LRSAM1: variants seen among roughly 807,000 people sequenced by gnomAD.
LRSAM1 encodes E3 ubiquitin-protein ligase LRSAM1.
A neutral mutation model predicts 118.1 loss-of-function variants in LRSAM1; 96 were observed. That is an observed-to-expected ratio of 0.81 (90% CI 0.69 to 0.96). The LOEUF (loss-of-function observed/expected upper bound fraction) is 0.96. Ranked by LOEUF, LRSAM1 falls within the 40% of genes least tolerant of loss-of-function variation. The probability of loss-of-function intolerance (pLI) is 0.00; values close to 1 mark genes in which losing one functional copy is unlikely to be tolerated. For synonymous variants in LRSAM1, 322 were observed against 364.2 expected (o/e 0.88, Z 1.32); for missense variants, 804 against 915.5 (o/e 0.88, Z 1.57).
At chr9:127,483,448 G>GAA (rs1197470164) in intron 16 of LRSAM1, among the ~76,000 whole-genome samples, 1 of 134,040 alleles carries the variant, frequency 7.5e-6, no homozygotes. Flanking sequence ...CCATTTCTCA[G>GAA]AAAAAAAAAA....
chr9:127,469,436 C>T (rs1835081180), intron 10 of LRSAM1, among the ~76,000 whole-genome samples: 1 of 151,264 alleles, frequency 6.6e-6, no homozygotes, highest in Non-Finnish European at 1.5e-5. Context: ...TGCCACTGCA[C>T]TCCAGTCTGG....
In LRSAM1 at chr9:127,487,714, CG is replaced by C; in HGVS notation, c.1299del (p.Trp434GlyfsTer29). On this transcript the variant is annotated frameshift_variant, in exon 18 of 26. Coordinates refer to ENST00000300417, the MANE Select transcript of LRSAM1 (RefSeq NM_001005373.4). LOFTEE classifies it high-confidence loss of function. ...EMDERFQQIL[S>X]WQQMDQNKAI... ...GATGAACGATTCCAGCAGATTCTGT[CG>C]TGGCAGCAAATGGATCAGAACAAAG... The C allele has an allele frequency of 1.2e-6, 2 of 1,613,748 alleles. No homozygotes were observed. The highest frequency in any genetic ancestry group is 1.7e-6 in the Non-Finnish European group (2 of 1,179,894).
intron 11 of LRSAM1, among the ~76,000 whole-genome samples, chr9:127,476,778 A>G (rs1468507008): frequency 6.6e-6 from 1 of 152,154 alleles, no homozygotes; most frequent in Non-Finnish European, 1.5e-5. Flanking sequence ...AGGTTCAAGC[A>G]ATTCTCCTGC....
intron 10 of LRSAM1, among the ~76,000 whole-genome samples, chr9:127,471,715 A>G (rs1296206897): frequency 6.6e-6 from 1 of 151,318 alleles, no homozygotes; most frequent in Non-Finnish European, 1.5e-5. Context: ...TGAACCCATG[A>G]GGCAGAGGCT....
intron 9 of LRSAM1, among the ~76,000 whole-genome samples, chr9:127,462,949 A>G (rs59194012): frequency 0.015 from 2,349 of 152,250 alleles, 50 homozygotes; most frequent in African/African-American, 0.053. Context: ...TAATCCCAGC[A>G]CTTTGGGAGG....
chr9:127,455,144 C>CT, intron 4 of LRSAM1, 90 bp downstream of exon 4: 1 of 1,304,244 alleles, frequency 7.7e-7, no homozygotes, highest in Non-Finnish European at 1.1e-6. Context: ...TGGACTGGGG[C>CT]TTTAGAAAGG....
chr9:127,482,882 G>A (rs945254739), intron 15 of LRSAM1, 68 bp from the exon 16 acceptor site: 4 of 1,447,450 alleles, frequency 2.8e-6, no homozygotes, highest in African/African-American at 2.8e-5. Flanking sequence ...AGGAGGTGGT[G>A]TTCATCTGCT....
At chr9:127,500,002 C>T (rs946220631) in intron 24 of LRSAM1, among the ~76,000 whole-genome samples, 7 of 151,770 alleles carry the variant, frequency 4.6e-5, no homozygotes, top group East Asian at 1.9e-4. Flanking sequence ...TAAAGTGAAC[C>T]GTGATCAGGA....
At chr9:127,469,991 T>C (rs904435595) in intron 10 of LRSAM1, among the ~76,000 whole-genome samples, 4 of 149,804 alleles carry the variant, frequency 2.7e-5, no homozygotes, top group African/African-American at 9.7e-5. Flanking sequence ...ATGGCCAAAA[T>C]TGAACTGGTG....
At chr9:127,487,634 G>A in intron 17 of LRSAM1, 42 bp from the exon 18 acceptor site, 1 of 1,590,404 alleles carries the variant, frequency 6.3e-7, no homozygotes, top group Non-Finnish European at 8.6e-7. Flanking sequence ...AGGTGCTCGG[G>A]AAACGTTCCA....
At chr9:127,485,941 C>T in intron 17 of LRSAM1, 106 bp downstream of exon 17, 1 of 1,021,452 alleles carries the variant, frequency 9.8e-7, no homozygotes, top group South Asian at 1.3e-5. Context: ...CCTGGGCCAC[C>T]CCAGCCTCTG....
At chr9:127,478,815 G>A (rs1835427856) in intron 11 of LRSAM1, 119 bp from the exon 12 acceptor site, 3 of 933,462 alleles carry the variant, frequency 3.2e-6, no homozygotes, top group South Asian at 2.7e-5. Context: ...TTCTGAGGCA[G>A]TGGTCTGGGG....
chr9:127,495,123 G>A (rs528107581), intron 21 of LRSAM1, among the ~76,000 whole-genome samples, 197 bp from the exon 22 acceptor site: 2 of 152,058 alleles, frequency 1.3e-5, no homozygotes, highest in African/African-American at 2.4e-5. Context: ...GGCTAGTTTT[G>A]TATTTTTAGT....
intron 22 of LRSAM1, 60 bp downstream of exon 22, chr9:127,495,478 C>A: frequency 7.3e-7 from 1 of 1,375,114 alleles, no homozygotes; most frequent in East Asian, 2.3e-5. Flanking sequence ...CCCAGAGGCG[C>A]CTGTGGTGCC....
At chr9:127,473,135 C>T (rs549714184) in intron 10 of LRSAM1, among the ~76,000 whole-genome samples, 7 of 152,316 alleles carry the variant, frequency 4.6e-5, no homozygotes, top group South Asian at 4.1e-4. Flanking sequence ...ATTTTTCATA[C>T]GTCTCCTGCC....
At chr9:127,490,018 G>A (rs186485174) in intron 19 of LRSAM1, among the ~76,000 whole-genome samples, 17 of 152,246 alleles carry the variant, frequency 1.1e-4, no homozygotes, top group South Asian at 4.1e-4. Flanking sequence ...AGGAGGAGGC[G>A]GTCCTCCTCT....
chr9:127,475,092 TAGAG>T (rs1034623219), intron 11 of LRSAM1, among the ~76,000 whole-genome samples: 9 of 151,896 alleles, frequency 5.9e-5, no homozygotes, highest in Non-Finnish European at 1.0e-4. Flanking sequence ...CAGCAAGAAT[TAGAG>T]AGGGAGGAGA....
chr9:127,488,791 A>G (rs1228859142), intron 18 of LRSAM1, among the ~76,000 whole-genome samples: 1 of 150,260 alleles, frequency 6.7e-6, no homozygotes, highest in Non-Finnish European at 1.5e-5. Flanking sequence ...GAGTTTCCCT[A>G]TGTTGCCCAG....
At chr9:127,495,495 A>G (rs1366664845) in intron 22 of LRSAM1, 77 bp downstream of exon 22, 1 of 1,185,666 alleles carries the variant, frequency 8.4e-7, no homozygotes, top group Non-Finnish European at 1.3e-6. Flanking sequence ...TGCCTCCACC[A>G]TGCTCTGCCT....
Sources: allele counts gnomAD v4.1 joint callset (sites outside exome capture counted in the v4.1 genomes callset), GRCh38; gene constraint gnomAD v4.1.1; transcripts MANE v1.5; gene names NCBI Gene and HGNC (gene_info 2026-07-23, HGNC 2026-07-21).